Variants in SMYD2 observed in about 807,000 individuals in gnomAD.
SMYD2 encodes N-lysine methyltransferase SMYD2.
A neutral mutation model predicts 59.1 loss-of-function variants in SMYD2; 53 were observed. The observed-to-expected ratio is 0.90, with a 90% CI of 0.72 to 1.13. The LOEUF (loss-of-function observed/expected upper bound fraction) is 1.13, where lower values mean the gene tolerates loss of function less well. SMYD2 is among the 50% of genes most tolerant of loss of function. The pLI, the probability that SMYD2 is intolerant of heterozygous loss-of-function variation, is 0.00. For missense variants in SMYD2, 494 were observed against 544.7 expected (o/e 0.91, Z 0.93); for synonymous variants, 208 against 198.8 (o/e 1.05, Z -0.39).
intron 1 of SMYD2, among the ~76,000 whole-genome samples, chr1:214,288,234 G>T (rs772834930): frequency 1.3e-5 from 2 of 152,196 alleles, no homozygotes; most frequent in African/African-American, 2.4e-5. Context: ...AGCCCATAAA[G>T]CATTTCCAGA....
intron 5 of SMYD2, among the ~76,000 whole-genome samples, chr1:214,319,737 C>T (rs1194549399): frequency 6.6e-6 from 1 of 152,150 alleles, no homozygotes; most frequent in African/African-American, 2.4e-5. Context: ...TTGGATTTCT[C>T]TCTCATATGC....
At chr1:214,292,761 C>T (rs1656657342) in intron 1 of SMYD2, among the ~76,000 whole-genome samples, 1 of 152,072 alleles carries the variant, frequency 6.6e-6, no homozygotes, top group Non-Finnish European at 1.5e-5. Context: ...CCCATCGTAT[C>T]CAGCATTATC....
intron 1 of SMYD2, among the ~76,000 whole-genome samples, chr1:214,289,528 C>CTT (rs1656603499): frequency 6.6e-6 from 1 of 152,146 alleles, no homozygotes. Context: ...TCAAGGCATG[C>CTT]TTTTATCTGG....
At chr1:214,283,503 CATG>C (rs1329438493) in intron 1 of SMYD2, among the ~76,000 whole-genome samples, 1 of 152,142 alleles carries the variant, frequency 6.6e-6, no homozygotes, top group African/African-American at 2.4e-5. Context: ...AAATAATATC[CATG>C]ATACTTATGC....
intron 5 of SMYD2, among the ~76,000 whole-genome samples, chr1:214,322,976 T>C (rs1194247106): frequency 6.6e-6 from 1 of 152,174 alleles, no homozygotes; most frequent in Non-Finnish European, 1.5e-5. Context: ...TGTCCCCAAG[T>C]GCAGAAGAGA....
intron 2 of SMYD2, among the ~76,000 whole-genome samples, 177 bp from the exon 3 acceptor site, chr1:214,314,585 A>G (rs2102468719): frequency 6.6e-6 from 1 of 152,304 alleles, no homozygotes; most frequent in Non-Finnish European, 1.5e-5. Flanking sequence ...AGGTCATACA[A>G]TCCTGCCTAT....
chr1:214,317,993 T>C (rs1657111574), intron 3 of SMYD2, 86 bp from the exon 4 acceptor site: 2 of 1,200,890 alleles, frequency 1.7e-6, no homozygotes, highest in East Asian at 2.3e-5. Flanking sequence ...ACTTTTTCTT[T>C]ATGTTGATGT....
intron 1 of SMYD2, among the ~76,000 whole-genome samples, chr1:214,300,799 T>C (rs1200469913): frequency 6.6e-6 from 1 of 152,210 alleles, no homozygotes. Context: ...CCTCATTATC[T>C]TCATTTGAAA....
intron 1 of SMYD2, among the ~76,000 whole-genome samples, chr1:214,283,062 A>G (rs1656474615): frequency 6.6e-6 from 1 of 152,160 alleles, no homozygotes; most frequent in Admixed American, 6.5e-5. Context: ...CTTACTTTAT[A>G]TGGGTAGTTG....
At chr1:214,305,128 A>T (rs1452002766) in intron 1 of SMYD2, 59 bp from the exon 2 acceptor site, 25 of 1,536,708 alleles carry the variant, frequency 1.6e-5, no homozygotes, top group Non-Finnish European at 2.2e-5. Context: ...TGCATGATAA[A>T]ATGTACAGCT....
At chr1:214,317,837 G>A (rs79221886) in intron 3 of SMYD2, among the ~76,000 whole-genome samples, 1 of 152,224 alleles carries the variant, frequency 6.6e-6, no homozygotes, top group African/African-American at 2.4e-5. Context: ...GTATTTCTGA[G>A]CCTACTGTGT....
chr1:214,327,463 A>T (rs1407105826), intron 6 of SMYD2, 159 bp from the exon 7 acceptor site: 1 of 603,642 alleles, frequency 1.7e-6, no homozygotes, highest in Non-Finnish European at 3.0e-6. Context: ...TTATCAGTGC[A>T]TGCAGAACAA....
intron 11 of SMYD2, 126 bp downstream of exon 11, chr1:214,334,434 GC>G (rs1657404985): frequency 1.2e-6 from 1 of 846,998 alleles, no homozygotes; most frequent in African/African-American, 1.7e-5. Flanking sequence ...CCACCCTCTT[GC>G]CGTGGGAGCA....
intron 6 of SMYD2, among the ~76,000 whole-genome samples, chr1:214,326,795 A>G (rs544194568): frequency 1.5e-4 from 23 of 152,220 alleles, no homozygotes; most frequent in Middle Eastern, 6.8e-3. Context: ...TGGCCACCAG[A>G]GCAATGACAC....
chr1:214,293,081 C>T (rs1345485729), intron 1 of SMYD2, among the ~76,000 whole-genome samples: 2 of 151,174 alleles, frequency 1.3e-5, no homozygotes, highest in Non-Finnish European at 2.9e-5. Context: ...GAGACAGAGT[C>T]TCTCTCTGTC....
At chr1:214,328,751 T>TG (rs1184255493) in intron 7 of SMYD2, among the ~76,000 whole-genome samples, 1 of 152,236 alleles carries the variant, frequency 6.6e-6, no homozygotes. Flanking sequence ...AAGCCCAAGA[T>TG]GCAGGCAGGT....
chr1:214,306,407 G>A (rs1434986270), intron 2 of SMYD2, among the ~76,000 whole-genome samples: 2 of 152,200 alleles, frequency 1.3e-5, no homozygotes, highest in East Asian at 1.9e-4. Context: ...CCCCTCCCCA[G>A]AATGAAGCAC....
chr1:214,323,837 C>G (rs1283301345), intron 5 of SMYD2, among the ~76,000 whole-genome samples: 1 of 152,228 alleles, frequency 6.6e-6, no homozygotes, highest in African/African-American at 2.4e-5. Flanking sequence ...CCCTCAATCC[C>G]TCTGCCTCCC....
intron 7 of SMYD2, 77 bp downstream of exon 7, chr1:214,327,801 CA>C: frequency 8.1e-7 from 1 of 1,237,096 alleles, no homozygotes; most frequent in Non-Finnish European, 1.2e-6. Flanking sequence ...CAGATCTGTG[CA>C]GTGTCACTTG....
Sources: allele counts gnomAD v4.1 joint callset (sites outside exome capture counted in the v4.1 genomes callset), GRCh38; gene constraint gnomAD v4.1.1; transcripts MANE v1.5; gene names NCBI Gene and HGNC (gene_info 2026-07-23, HGNC 2026-07-21).